The following LRP1B variants were observed in gnomAD, a reference collection of about 807,000 sequenced individuals.
LRP1B encodes the protein LDL receptor related protein 1B, also known as low-density lipoprotein receptor-related protein 1B.
Under a neutral mutation model 556.6 loss-of-function variants are expected in LRP1B, and 217 were observed. The ratio of observed to expected loss-of-function variants is 0.39; its 90% CI spans 0.35 to 0.44. The LOEUF is 0.44. Ranked by LOEUF, LRP1B falls within the 20% of genes least tolerant of loss-of-function variation. The pLI, the probability that LRP1B is intolerant of heterozygous loss-of-function variation, is 1.00. For missense variants in LRP1B, 5,053 were observed against 5,620.8 expected, an observed-to-expected ratio of 0.90 and a Z score of 3.23; for synonymous variants, 2,047 against 1,865.8, an observed-to-expected ratio of 1.10 and a Z score of -2.50.
chr2:140,880,984 T>C (rs1693454815), intron 25 of LRP1B, among the ~76,000 whole-genome samples: 1 of 152,142 alleles, frequency 6.6e-6, no homozygotes, highest in African/African-American at 2.4e-5. Flanking sequence ...GCTTAAGATT[T>C]AGTAGAAAAT....
intron 20 of LRP1B, among the ~76,000 whole-genome samples, chr2:140,946,552 G>A (rs890424780): frequency 2.6e-5 from 4 of 152,096 alleles, no homozygotes; most frequent in Non-Finnish European, 5.9e-5. Flanking sequence ...AGTGAGCTGA[G>A]ATCATGCCAC....
At chr2:140,766,824 T>TAA (rs1689121844) in intron 35 of LRP1B, among the ~76,000 whole-genome samples, 3 of 74,920 alleles carry the variant, frequency 4.0e-5, no homozygotes, top group Non-Finnish European at 5.3e-5. Context: ...CTTTGTAAAA[T>TAA]ATATATATAT....
intron 2 of LRP1B, among the ~76,000 whole-genome samples, chr2:141,734,457 A>AGAGAGAGAGAGT (rs1491451096): frequency 1.3e-5 from 2 of 151,780 alleles, no homozygotes; most frequent in African/African-American, 2.4e-5. Context: ...AGGGAGAGAT[A>AGAGAGAGAGAGT]GAGAGAGAGA....
intron 3 of LRP1B, among the ~76,000 whole-genome samples, chr2:141,319,596 A>C (rs995370465): frequency 6.6e-6 from 1 of 152,056 alleles, no homozygotes; most frequent in African/African-American, 2.4e-5. Flanking sequence ...AATTAATTTG[A>C]CCTTGAATAA....
chr2:141,423,825 TAA>T (rs34237592), intron 3 of LRP1B, among the ~76,000 whole-genome samples: 33,818 of 149,500 alleles, frequency 0.23, 3,980 homozygotes, highest in South Asian at 0.32. Flanking sequence ...CCCTGTCTAT[TAA>T]AAAAAAAAAC....
intron 14 of LRP1B, among the ~76,000 whole-genome samples, chr2:141,010,186 C>T (rs1436296796): frequency 6.6e-6 from 1 of 151,964 alleles, no homozygotes; most frequent in African/African-American, 2.4e-5. Context: ...TTTTGATTAT[C>T]TCATTCCCCA....
intron 7 of LRP1B, among the ~76,000 whole-genome samples, chr2:141,121,600 G>A (rs866290274): frequency 3.0e-4 from 46 of 151,992 alleles, no homozygotes; most frequent in African/African-American, 9.2e-4. Flanking sequence ...AAATAAAAGA[G>A]GATACAAACA....
intron 1 of LRP1B, among the ~76,000 whole-genome samples, chr2:142,110,134 T>C (rs1441810332): frequency 5.3e-5 from 8 of 152,242 alleles, no homozygotes; most frequent in Non-Finnish European, 1.0e-4. Flanking sequence ...GCATTGAACA[T>C]GTACTTGATG....
chr2:142,122,095 T>A (rs2105013886), intron 1 of LRP1B, among the ~76,000 whole-genome samples: 1 of 152,288 alleles, frequency 6.6e-6, no homozygotes, highest in Middle Eastern at 3.4e-3. Context: ...GCTATGTTTA[T>A]CTTCTCAGAA....
At chr2:141,907,426 T>A (rs193218334) in intron 1 of LRP1B, among the ~76,000 whole-genome samples, 23 of 152,098 alleles carry the variant, frequency 1.5e-4, no homozygotes, top group South Asian at 2.1e-4. Flanking sequence ...GATTTCTATA[T>A]CGCTTTCTAA....
At chr2:141,273,485 T>C (rs1451727766) in intron 3 of LRP1B, among the ~76,000 whole-genome samples, 1 of 152,180 alleles carries the variant, frequency 6.6e-6, no homozygotes, top group East Asian at 1.9e-4. Context: ...GGGGAGGAAT[T>C]AATTTTTCCA....
intron 35 of LRP1B, among the ~76,000 whole-genome samples, chr2:140,721,587 G>A (rs1465553337): frequency 2.8e-4 from 31 of 111,890 alleles, no homozygotes; most frequent in African/African-American, 8.3e-4. Context: ...TCACTCTGTC[G>A]CCCAGCCTGG....
At chr2:141,489,263 CAGG>C (rs1683244720) in intron 2 of LRP1B, among the ~76,000 whole-genome samples, 1 of 1,986 alleles carries the variant, frequency 5.0e-4, no homozygotes, top group Non-Finnish European at 7.2e-3. Context: ...ACTGGAATTA[CAGG>C]CATGAGCCAC....
At chr2:141,604,398 C>T (rs1045158035) in intron 2 of LRP1B, among the ~76,000 whole-genome samples, 1 of 152,028 alleles carries the variant, frequency 6.6e-6, no homozygotes, top group Non-Finnish European at 1.5e-5. Context: ...ATTAAAAATA[C>T]TACTATTGAT....
chr2:141,822,856 G>A (rs1450501565), intron 1 of LRP1B, among the ~76,000 whole-genome samples: 2 of 152,116 alleles, frequency 1.3e-5, no homozygotes, highest in African/African-American at 4.8e-5. Context: ...GTTTAGTAAA[G>A]CGGTGGGCAA....
intron 17 of LRP1B, among the ~76,000 whole-genome samples, chr2:140,988,895 T>C (rs1573956371): frequency 6.6e-6 from 1 of 152,288 alleles, no homozygotes; most frequent in East Asian, 1.9e-4. Context: ...TGCTAGTCAG[T>C]ATCATTTTTC....
chr2:141,166,511 T>G (rs1680268482), intron 7 of LRP1B, among the ~76,000 whole-genome samples: 1 of 151,840 alleles, frequency 6.6e-6, no homozygotes, highest in African/African-American at 2.4e-5. Context: ...ACTTCAAGCA[T>G]TTATCATTTC....
intron 2 of LRP1B, among the ~76,000 whole-genome samples, chr2:141,702,263 G>C (rs1691966620): frequency 6.6e-6 from 1 of 151,794 alleles, no homozygotes; most frequent in African/African-American, 2.4e-5. Flanking sequence ...AATGCTTATA[G>C]GCAGGTGAAG....
At chr2:141,451,467 T>C (rs1359560588) in intron 3 of LRP1B, among the ~76,000 whole-genome samples, 1 of 152,212 alleles carries the variant, frequency 6.6e-6, no homozygotes, top group East Asian at 1.9e-4. Context: ...ACAAATTAAC[T>C]AATTCAGAAA....
Sources: gnomAD v4.1 joint callset for allele counts (sites outside exome capture counted in the v4.1 genomes callset) on GRCh38, gnomAD v4.1.1 for gene constraint, MANE v1.5 for transcripts, NCBI Gene and HGNC (gene_info 2026-07-23, HGNC 2026-07-21) for gene names.